The following YEATS2 variants were observed in gnomAD, a reference collection of about 807,000 sequenced individuals.
The protein encoded by YEATS2 is YEATS domain containing 2.
Under a neutral mutation model 163.2 loss-of-function variants are expected in YEATS2, and 77 were observed. That is an observed-to-expected ratio of 0.47 (90% CI 0.39 to 0.57). YEATS2 has a LOEUF of 0.57. Among genes scored for constraint, YEATS2 ranks in the 20% least tolerant of loss-of-function variants. YEATS2 has a pLI of 0.00. For synonymous variants in YEATS2, 631 were observed against 645.1 expected (o/e 0.98, Z 0.33); for missense variants, 1,549 against 1,729.8 (o/e 0.90, Z 1.85).
chr3:183,801,750 A>G (rs1577222226), intron 25 of YEATS2: 1 of 433,248 alleles, frequency 2.3e-6, no homozygotes, highest in Admixed American at 4.2e-5. Flanking sequence ...AATGTTTTAC[A>G]TTTTTCATAT....
In YEATS2 at chr3:183,792,998, G is replaced by A. The variant is rs140729814; in HGVS notation, c.3097+2018G>A. The A allele has an allele frequency of 9.0e-5, 50 of 552,536 alleles. No homozygotes were observed. The African/African-American group carries it at 9.1e-4, about 10-fold the overall frequency. 34.2% of individuals were successfully genotyped at this position (552,536 alleles called of 1,614,324 possible). A position where few individuals can be genotyped will look rare whatever the true frequency, so the allele number is the denominator to read the frequency against. ...TTTGCTTCTCAAACTTGAAAGTTCAGTTTTGTTTTTGTTTTTCTATAATCT... is the reference window on the plus strand; with the variant it reads ...TTTGCTTCTCAAACTTGAAAGTTCAATTTTGTTTTTGTTTTTCTATAATCT... On this transcript the variant is annotated intron_variant, in intron 21 of 30. Coordinates refer to ENST00000305135, the MANE Select transcript of YEATS2 (RefSeq NM_018023.5).
chr3:183,780,088 A>G (rs1452423971), intron 19 of YEATS2, among the ~76,000 whole-genome samples: 2 of 151,632 alleles, frequency 1.3e-5, no homozygotes, highest in East Asian at 3.9e-4. Flanking sequence ...CAGATTGCAT[A>G]ATACAACTAA....
chr3:183,713,734 T>C (rs1315490918), intron 1 of YEATS2, among the ~76,000 whole-genome samples: 2 of 152,370 alleles, frequency 1.3e-5, no homozygotes, highest in Admixed American at 1.3e-4. Context: ...CACTGTCCAA[T>C]AAACTCGTGC....
At chr3:183,698,332 G>A (rs1713702077) in intron 1 of YEATS2, among the ~76,000 whole-genome samples, 1 of 152,214 alleles carries the variant, frequency 6.6e-6, no homozygotes, top group Admixed American at 6.5e-5. Flanking sequence ...TTTGGCCCCA[G>A]CACCAGAAAG....
At chr3:183,748,065 T>C (rs972457771) in intron 9 of YEATS2, among the ~76,000 whole-genome samples, 10 of 152,086 alleles carry the variant, frequency 6.6e-5, no homozygotes, top group African/African-American at 2.4e-4. Flanking sequence ...TTTGCCTTTC[T>C]GTGTTAGTCC....
intron 7 of YEATS2, 41 bp from the exon 8 acceptor site, chr3:183,736,677 A>T (rs775741712): frequency 1.3e-6 from 2 of 1,508,634 alleles, no homozygotes; most frequent in Non-Finnish European, 9.1e-7. Context: ...AGGATGAGAG[A>T]GTGAACATGG....
intron 23 of YEATS2, 69 bp downstream of exon 23, chr3:183,799,058 C>G (rs1725427617): frequency 2.5e-6 from 3 of 1,187,340 alleles, no homozygotes; most frequent in Non-Finnish European, 3.8e-6. Context: ...CACGTTCTCT[C>G]CTGATGTCCA....
At chr3:183,758,609 G>C (rs1487203406) in intron 12 of YEATS2, among the ~76,000 whole-genome samples, 1 of 152,114 alleles carries the variant, frequency 6.6e-6, no homozygotes, top group Non-Finnish European at 1.5e-5. Context: ...TCTAAAACAA[G>C]TGACTTTACT....
Position 183,810,873 on chromosome 3 carries a change from C to T in YEATS2, c.*290C>T, listed in dbSNP as rs1026045926. The T allele has an allele frequency of 1.1e-5, 4 of 372,876 alleles. No individual in the cohort carries two copies. Among genetic ancestry groups the T allele is most frequent in the South Asian group, 2.5e-5 (1 of 39,688 alleles). The allele number at this position is 372,876 out of a possible 1,614,324, so 23.1% of individuals were successfully genotyped here. On this transcript the variant is annotated 3_prime_UTR_variant, in exon 31 of 31. Transcript: ENST00000305135. Reference sequence around the variant, plus strand: ...AAGGCCCCACGAGAGCGGGCCAGGCCGTGTGCCTCAGGCCCTTCTCCCTGG... The same window carrying T: ...AAGGCCCCACGAGAGCGGGCCAGGCTGTGTGCCTCAGGCCCTTCTCCCTGG...
Position 183,808,063 on chromosome 3 carries a change from A to G in YEATS2, c.4045A>G (p.Arg1349Gly). ...CACCCTGCAGCCCGTGGCACTCCAC[A>G]GGAACGTGTATGCGTCCGTGGTGGA... ...GITLQPVALH[R>G]NVYASVVEDM... Residue 1349 changes from arginine (R) to glycine (G), a missense_variant, in exon 29 of 31, where the codon AGG (arginine) becomes GGG (glycine). Arg to Gly is a moderately radical substitution (Grantham distance 125). Coordinates refer to ENST00000305135, the MANE Select transcript of YEATS2 (RefSeq NM_018023.5). The G allele has an allele frequency of 6.4e-7, 1 of 1,562,860 alleles. No individual in the cohort carries two copies. The highest frequency in any genetic ancestry group is 1.2e-5 in the South Asian group (1 of 84,742).
At chr3:183,804,262 C>G (rs771045787) in intron 27 of YEATS2, 74 bp downstream of exon 27, 5 of 1,564,994 alleles carry the variant, frequency 3.2e-6, no homozygotes, top group Non-Finnish European at 4.4e-6. Flanking sequence ...GAGATGAGGA[C>G]TTGGAAGAGT....
intron 28 of YEATS2, 110 bp from the exon 29 acceptor site, chr3:183,807,920 T>C (rs1470607484): frequency 6.2e-6 from 5 of 809,568 alleles, no homozygotes; most frequent in East Asian, 2.8e-5. Flanking sequence ...GTTTGCAGAG[T>C]CCTCCTTCCA....
intron 20 of YEATS2, among the ~76,000 whole-genome samples, chr3:183,790,030 T>G (rs1255753266): frequency 1.3e-5 from 2 of 152,240 alleles, no homozygotes; most frequent in Non-Finnish European, 2.9e-5. Context: ...CCGTGCCTCT[T>G]CACAGGTGAC....
rs937302886 is a variant in YEATS2 at position 183,732,628 on chromosome 3, T to C, written c.812+3777T>C. Among the ~76,000 whole-genome samples the C allele has an allele frequency of 5.0e-4, 76 of 151,732 alleles. 1 individual carries two copies. Among genetic ancestry groups the C allele is most frequent in the Non-Finnish European group, 2.8e-4 (19 of 67,900 alleles). ...AGGCTGGAGTGCAGTGGCGCAGTCT[T>C]GGCTCACTGCAAGCTCCGCCTCCCG... On this transcript the variant is annotated intron_variant, in intron 7 of 30. Transcript: ENST00000305135.
Position 183,762,239 on chromosome 3 carries a change from G to A in YEATS2, c.1907G>A (p.Gly636Glu). ...CCTCAAAAACAGGTCATAACTCCTGGAGAAGGGATTGCCCAGTCAGCAAAG... is the reference window on the plus strand; with the variant it reads ...CCTCAAAAACAGGTCATAACTCCTGAAGAAGGGATTGCCCAGTCAGCAAAG... ...VSPQKQVITP[G>E]EGIAQSAKVQ... The change falls in exon 15 of 31, where the codon GGA (glycine) becomes GAA (glutamate). Residue 636 changes from glycine to glutamate, a missense_variant. Coordinates refer to ENST00000305135, the MANE Select transcript of YEATS2 (RefSeq NM_018023.5). 4 of 1,611,104 alleles carry A rather than the reference G, an allele frequency of 2.5e-6. No homozygotes were observed. The highest frequency in any genetic ancestry group is 3.4e-6 in the Non-Finnish European group (4 of 1,177,550).
rs1372147558 is a variant in YEATS2 at position 183,794,011 on chromosome 3, C to A, written c.3097+3031C>A. Among the ~76,000 whole-genome samples the A allele has an allele frequency of 2.6e-5, 4 of 152,146 alleles. 1 individual carries two copies. ...TCGTAAACTGCATTAAACTTAAGGTCTCATTGGGACAGAAGCTGCGTGAGC... is the reference window on the plus strand; with the variant it reads ...TCGTAAACTGCATTAAACTTAAGGTATCATTGGGACAGAAGCTGCGTGAGC... On this transcript the variant is annotated intron_variant, in intron 21 of 30. Transcript: ENST00000305135.
chr3:183,724,493 T>C lies in YEATS2; in HGVS notation c.612T>C (p.Leu204=). ...ATCTCACAGATGAGACTTCACGACTTTTTGTAAAGAAAACAATAGTAGTGG... is the reference window on the plus strand; with the variant it reads ...ATCTCACAGATGAGACTTCACGACTCTTTGTAAAGAAAACAATAGTAGTGG... ...NADLTDETSR[L]FVKKTIVVGN... is the part of the protein sequence containing the mutation. Residue 204 remains leucine, a synonymous_variant, in exon 6 of 31, where the codon CTT becomes CTC. Transcript: ENST00000305135. The C allele has an allele frequency of 1.2e-6, 2 of 1,613,840 alleles. No individual in the cohort carries two copies. Among genetic ancestry groups the C allele is most frequent in the African/African-American group, 1.3e-5 (1 of 75,048 alleles).
chr3:183,801,442 TTATC>T lies in YEATS2; in HGVS notation c.3429-11_3429-8del. Reference sequence around the variant, plus strand: ...TTTAATTTATTGCCTTAATTTTTTTTTATCTCTCTCAGGATAGACCATTTAGAAA... The same window carrying T: ...TTTAATTTATTGCCTTAATTTTTTTTTCTCTCAGGATAGACCATTTAGAAA... On this transcript the variant is annotated splice_polypyrimidine_tract_variant and intron_variant, in intron 24 of 30. Coordinates refer to ENST00000305135, the MANE Select transcript of YEATS2 (RefSeq NM_018023.5). The T allele has an allele frequency of 1.3e-6, 2 of 1,592,756 alleles. No individual in the cohort carries two copies. The highest frequency in any genetic ancestry group is 1.3e-5 in the African/African-American group (1 of 74,208).
At chr3:183,797,571 T>TAAATA (rs1725277082) in intron 21 of YEATS2, among the ~76,000 whole-genome samples, 1 of 149,112 alleles carries the variant, frequency 6.7e-6, no homozygotes, top group African/African-American at 2.5e-5. Flanking sequence ...AATAAATAAA[T>TAAATA]AAATAGGGAC....
Sources: allele counts gnomAD v4.1 joint callset (sites outside exome capture counted in the v4.1 genomes callset), GRCh38; gene constraint gnomAD v4.1.1; transcripts MANE v1.5; gene names NCBI Gene and HGNC (gene_info 2026-07-23, HGNC 2026-07-21).